The following WT1 variants were observed in gnomAD, a reference collection of about 807,000 sequenced individuals.
WT1 encodes WT1 transcription factor.
WT1 carries 8 observed loss-of-function variants against 60.8 expected under a neutral mutation model. That is an observed-to-expected ratio of 0.13 (90% CI 0.08 to 0.24). WT1 has a LOEUF of 0.24. WT1 is among the 10% of genes least tolerant of loss of function. The probability of loss-of-function intolerance (pLI) is 1.00; values close to 1 mark genes in which losing one functional copy is unlikely to be tolerated. For synonymous variants in WT1, 312 were observed against 297.1 expected, an observed-to-expected ratio of 1.05 and a Z score of -0.52; for missense variants, 568 against 711.8, an observed-to-expected ratio of 0.80 and a Z score of 2.30.
chr11:32,396,535 C>G, intron 6 of WT1, 128 bp from the exon 7 acceptor site: 2 of 1,169,112 alleles, frequency 1.7e-6, no homozygotes, highest in Non-Finnish European at 2.5e-6. Flanking sequence ...AAAACCACTC[C>G]CATTCACACT....
chr11:32,399,524 C>T (rs1046790017), intron 6 of WT1, among the ~76,000 whole-genome samples: 3 of 152,112 alleles, frequency 2.0e-5, no homozygotes, highest in Non-Finnish European at 4.4e-5. Flanking sequence ...CAGCCATAGG[C>T]GGTACAGTTA....
At chr11:32,410,820 T>G (rs1850923271) in intron 5 of WT1, among the ~76,000 whole-genome samples, 1 of 152,174 alleles carries the variant, frequency 6.6e-6, no homozygotes, top group South Asian at 2.1e-4. Context: ...ATAGAAAAAC[T>G]CCTACTAAAA....
At chr11:32,408,534 A>G (rs1428974335) in intron 5 of WT1, among the ~76,000 whole-genome samples, 3 of 146,000 alleles carry the variant, frequency 2.1e-5, no homozygotes, top group East Asian at 1.9e-4. Flanking sequence ...AAAAAAAAAA[A>G]AAAAAAAAAG....
rs143508794 is a variant in WT1 at position 32,395,687 on chromosome 11, C to T, written c.1264+570G>A. On this transcript the variant is annotated intron_variant, in intron 7 of 9. Transcript: ENST00000452863. Reference sequence around the variant, plus strand: ...TTGTTGGCCAGGCTGGTCTCCAACTCCTGACCTTGGGTGATCCACCCACTT... The same window carrying T: ...TTGTTGGCCAGGCTGGTCTCCAACTTCTGACCTTGGGTGATCCACCCACTT... 6.5e-3 allele frequency among the ~76,000 whole-genome samples: 991 copies of T among 152,204 alleles called. 13 individuals are homozygous for T. Among genetic ancestry groups the T allele is most frequent in the African/African-American group, 0.022 (924 of 41,520 alleles).
Position 32,428,033 on chromosome 11 carries a change from G to T in WT1, c.810C>A (p.Pro270=), listed in dbSNP as rs1357760274. Residue 270 remains proline, a synonymous_variant, in exon 3 of 10, where the codon CCC becomes CCA. Coordinates refer to ENST00000452863, the MANE Select transcript of WT1 (RefSeq NM_024426.6). ...TGGGGGTGTGGCAGCCATAGACCGG[G>T]GGCGGCACCGAGTACTGCTGCTCAC... 6.8e-6 allele frequency: 11 copies of T among 1,609,228 alleles called. No homozygotes were observed. The East Asian group carries it at 1.3e-4, about 20-fold the overall frequency.
chr11:32,405,024 G>A (rs898191635), intron 5 of WT1, among the ~76,000 whole-genome samples: 13 of 152,168 alleles, frequency 8.5e-5, no homozygotes, highest in Admixed American at 8.5e-4. Context: ...TAAGGAGGCA[G>A]TTATTTCATG....
chr11:32,418,458 G>A (rs1384123421), intron 3 of WT1, among the ~76,000 whole-genome samples: 2 of 152,120 alleles, frequency 1.3e-5, no homozygotes, highest in South Asian at 2.1e-4. Flanking sequence ...ATAAATTTAT[G>A]CCTGAACTGA....
intron 9 of WT1, among the ~76,000 whole-genome samples, chr11:32,390,869 G>C (rs572962749): frequency 1.7e-4 from 26 of 152,186 alleles, no homozygotes; most frequent in Non-Finnish European, 2.4e-4. Context: ...AACTGGATTT[G>C]CTCCTTACTA....
chr11:32,415,318 T>A (rs1464807130), intron 5 of WT1, among the ~76,000 whole-genome samples: 1 of 151,980 alleles, frequency 6.6e-6, no homozygotes, highest in Non-Finnish European at 1.5e-5. Flanking sequence ...AAAGAAAGGG[T>A]GGGACCAAGA....
Position 32,434,733 on chromosome 11 carries a change from A to C in WT1, c.628T>G (p.Cys210Gly), listed in dbSNP as rs776426005. ...CGAATAGCGGGCTGGCTCTCGAGGC[A>C]GCTGGGCAGGTAGGGCGCGTTAGGA... The change falls in exon 1 of 10, where the codon TGC (cysteine) becomes GGC (glycine). Residue 210 changes from cysteine to glycine, a missense_variant. Coordinates refer to ENST00000452863, the MANE Select transcript of WT1 (RefSeq NM_024426.6). 3.7e-6 allele frequency: 6 copies of C among 1,613,002 alleles called. No individual in the cohort carries two copies. The Admixed American group carries it at 1.0e-4, about 27-fold the overall frequency.
rs148856160 is a variant in WT1, at chr11:32,389,059, C to T, written c.1568G>A (p.Ter523=). ...TGAACGGTCCCCGAGGGAGACCCCTCAAAGCGCCAGCTGGAGTTTGGTCAT... is the reference window on the plus strand; with the variant it reads ...TGAACGGTCCCCGAGGGAGACCCCTTAAAGCGCCAGCTGGAGTTTGGTCAT... Residue 523 remains the stop codon, a stop_retained_variant, in exon 10 of 10, where the codon TGA becomes TAA. Transcript: ENST00000452863. 37 of 1,614,222 alleles carry T rather than the reference C, an allele frequency of 2.3e-5. No individual in the cohort carries two copies. The Middle Eastern group carries it at 1.3e-3, about 58-fold the overall frequency.
intron 5 of WT1, among the ~76,000 whole-genome samples, chr11:32,416,201 A>G (rs1852663125): frequency 6.6e-6 from 1 of 152,194 alleles, no homozygotes; most frequent in African/African-American, 2.4e-5. Context: ...TAATGCCACA[A>G]ATTTAGTATT....
chr11:32,411,497 G>A (rs5030234), intron 5 of WT1, among the ~76,000 whole-genome samples: 1 of 152,050 alleles, frequency 6.6e-6, no homozygotes, highest in African/African-American at 2.4e-5. Flanking sequence ...ACAGGAAAGG[G>A]TCTAAAATTT....
At chr11:32,400,286 A>G (rs906344298) in intron 5 of WT1, 4 of 588,320 alleles carry the variant, frequency 6.8e-6, no homozygotes, top group Admixed American at 2.5e-5. Flanking sequence ...GTGCACCGTC[A>G]CGGTCTAGGT....
At chr11:32,392,170 C>T in intron 8 of WT1, 106 bp from the exon 9 acceptor site, 1 of 966,064 alleles carries the variant, frequency 1.0e-6, no homozygotes, top group Non-Finnish European at 1.7e-6. Flanking sequence ...TCCTGCCATG[C>T]CTGCAATGTC....
intron 4 of WT1, 56 bp downstream of exon 4, chr11:32,417,521 T>C (rs940574197): frequency 6.1e-6 from 9 of 1,483,936 alleles, no homozygotes; most frequent in African/African-American, 2.8e-5. Context: ...ACCTTTGAAA[T>C]GGTTCAAACA....
chr11:32,422,872 C>T (rs1032924017), intron 3 of WT1, among the ~76,000 whole-genome samples: 18 of 152,094 alleles, frequency 1.2e-4, no homozygotes, highest in Non-Finnish European at 5.9e-5. Context: ...AATATGCAAA[C>T]CTAATAAAAG....
At chr11:32,392,548 T>C in intron 8 of WT1, 118 bp downstream of exon 8, 3 of 1,017,860 alleles carry the variant, frequency 2.9e-6, no homozygotes, top group Non-Finnish European at 3.1e-6. Context: ...GGGAAAATAC[T>C]GGAAAAACTA....
At chr11:32,426,012 G>C (rs113945436) in intron 3 of WT1, among the ~76,000 whole-genome samples, 1 of 152,258 alleles carries the variant, frequency 6.6e-6, no homozygotes, top group African/African-American at 2.4e-5. Context: ...GGTAATGATC[G>C]CTTTTTCCTG....
Sources: allele counts gnomAD v4.1 joint callset (sites outside exome capture counted in the v4.1 genomes callset), GRCh38; gene constraint gnomAD v4.1.1; transcripts MANE v1.5; gene names NCBI Gene and HGNC (gene_info 2026-07-23, HGNC 2026-07-21).